SLC4A10: variants seen among roughly 807,000 people sequenced by gnomAD.
The protein encoded by SLC4A10 is solute carrier family 4 member 10, also known as sodium-driven chloride bicarbonate exchanger.
In SLC4A10, 42 loss-of-function variants were observed where a neutral mutation model predicts 137.7. The ratio of observed to expected loss-of-function variants is 0.30; its 90% confidence interval spans 0.24 to 0.39. The LOEUF is 0.39. SLC4A10 is among the 10% of genes least tolerant of loss of function. The pLI is 1.00. For missense variants in SLC4A10, 925 were observed against 1,355.0 expected, an observed-to-expected ratio of 0.68 and a Z score of 4.98; for synonymous variants, 474 against 464.1, an observed-to-expected ratio of 1.02 and a Z score of -0.27.
At chr2:161,790,711 C>T (rs1417048224) in intron 2 of SLC4A10, among the ~76,000 whole-genome samples, 1 of 152,130 alleles carries the variant, frequency 6.6e-6, no homozygotes, top group African/African-American at 2.4e-5. Context: ...TTATAATAAA[C>T]TGTTCTGTTT....
At chr2:161,881,642 CAGA>C (rs1280644904) in intron 9 of SLC4A10, among the ~76,000 whole-genome samples, 1 of 151,944 alleles carries the variant, frequency 6.6e-6, no homozygotes, top group Non-Finnish European at 1.5e-5. Flanking sequence ...CAAAATTTCC[CAGA>C]AGGATTGACC....
chr2:161,902,777 C>T (rs996076704), intron 12 of SLC4A10, among the ~76,000 whole-genome samples: 8 of 152,136 alleles, frequency 5.3e-5, no homozygotes, highest in Non-Finnish European at 1.2e-4. Flanking sequence ...ATAATATGTA[C>T]ATCTTTTATT....
chr2:161,703,980 A>G (rs1250216700), intron 1 of SLC4A10, among the ~76,000 whole-genome samples: 2 of 151,798 alleles, frequency 1.3e-5, no homozygotes, highest in Middle Eastern at 3.4e-3. Context: ...TGTACATTAT[A>G]CATACGTGGT....
At chr2:161,728,814 T>A (rs2046514356) in intron 1 of SLC4A10, among the ~76,000 whole-genome samples, 1 of 152,086 alleles carries the variant, frequency 6.6e-6, no homozygotes, top group Admixed American at 6.6e-5. Flanking sequence ...CAACAAAACA[T>A]TAGCAAATTA....
intron 1 of SLC4A10, among the ~76,000 whole-genome samples, chr2:161,752,820 C>T (rs1042012886): frequency 2.6e-5 from 4 of 151,910 alleles, no homozygotes; most frequent in Non-Finnish European, 5.9e-5. Flanking sequence ...GAAGAATATC[C>T]TGGTGGACAG....
chr2:161,725,331 T>C (rs1011650275), intron 1 of SLC4A10, among the ~76,000 whole-genome samples: 1 of 152,204 alleles, frequency 6.6e-6, no homozygotes, highest in Non-Finnish European at 1.5e-5. Context: ...CCTCTTTAAG[T>C]CTCAGAATAC....
At chr2:161,820,238 T>G (rs994413565) in intron 3 of SLC4A10, among the ~76,000 whole-genome samples, 1 of 152,224 alleles carries the variant, frequency 6.6e-6, no homozygotes, top group Non-Finnish European at 1.5e-5. Flanking sequence ...AATTTTTTGA[T>G]GGACAGTGGC....
At chr2:161,787,246 C>T (rs2053727945) in intron 2 of SLC4A10, among the ~76,000 whole-genome samples, 1 of 151,922 alleles carries the variant, frequency 6.6e-6, no homozygotes, top group Non-Finnish European at 1.5e-5. Flanking sequence ...AAAAATAGGC[C>T]CCCTATCTTT....
chr2:161,726,492 C>T (rs1225184032), intron 1 of SLC4A10, among the ~76,000 whole-genome samples: 3 of 152,086 alleles, frequency 2.0e-5, no homozygotes, highest in Non-Finnish European at 4.4e-5. Flanking sequence ...AGCAGAAAGG[C>T]AGAATGAAAA....
At chr2:161,669,114 A>T (rs1394901504) in intron 1 of SLC4A10, among the ~76,000 whole-genome samples, 1 of 151,938 alleles carries the variant, frequency 6.6e-6, no homozygotes. Context: ...CTAGACACAA[A>T]CTGTATGACT....
intron 3 of SLC4A10, among the ~76,000 whole-genome samples, chr2:161,830,271 G>T (rs898255955): frequency 4.0e-5 from 6 of 151,652 alleles, no homozygotes; most frequent in Admixed American, 2.6e-4. Flanking sequence ...TTTACTTTAA[G>T]AATCTATTTT....
At chr2:161,942,671 C>T (rs1559589585) in intron 15 of SLC4A10, 121 bp from the exon 16 acceptor site, 6 of 726,668 alleles carry the variant, frequency 8.3e-6, no homozygotes, top group Non-Finnish European at 1.4e-5. Flanking sequence ...GATAACCTAA[C>T]TACTTGTCTG....
In SLC4A10 at chr2:161,862,949, T is replaced by C; in HGVS notation, c.653T>C (p.Met218Thr). 1 of 1,613,786 alleles carries C rather than the reference T, an allele frequency of 6.2e-7. No homozygotes were observed. Among genetic ancestry groups the C allele is most frequent in the Non-Finnish European group, 8.5e-7 (1 of 1,179,802 alleles). Residue 218 changes from methionine (M) to threonine (T), a missense_variant, in exon 6 of 27, where the codon ATG (methionine) becomes ACG (threonine). Physicochemically the swap from Met to Thr is moderately conservative, Grantham distance 81. This residue lies in a region of SLC4A10 where 277 missense variants were observed against 306.1 expected (regional missense o/e 0.90). Transcript: ENST00000446997. Reference sequence around the variant, plus strand: ...CGCCATAGGGTCCATGAGGCATTGATGAAACAGCATCATCATCAGAATCAG... The same window carrying C: ...CGCCATAGGGTCCATGAGGCATTGACGAAACAGCATCATCATCAGAATCAG... ...DVRHRVHEAL[M>T]KQHHHQNQKK...
intron 12 of SLC4A10, 77 bp from the exon 13 acceptor site, chr2:161,903,927 A>G: frequency 1.4e-6 from 2 of 1,421,634 alleles, no homozygotes; most frequent in Non-Finnish European, 1.9e-6. Flanking sequence ...GTGACCTGGC[A>G]ACAAAGCAAA....
At chr2:161,756,506 G>A (rs116696616) in intron 1 of SLC4A10, among the ~76,000 whole-genome samples, 78 of 152,202 alleles carry the variant, frequency 5.1e-4, no homozygotes, top group African/African-American at 1.6e-3. Context: ...TACATTTTTA[G>A]GATGAGTCAG....
At chr2:161,894,901 T>C (rs573419126) in intron 11 of SLC4A10, 76 bp downstream of exon 11, 2 of 787,612 alleles carry the variant, frequency 2.5e-6, no homozygotes, top group Admixed American at 4.9e-5. Context: ...TTTATTTTAT[T>C]TATTTATTTA....
intron 3 of SLC4A10, among the ~76,000 whole-genome samples, chr2:161,836,545 A>C (rs1330725035): frequency 2.2e-5 from 1 of 45,302 alleles, no homozygotes; most frequent in Non-Finnish European, 4.5e-5. Flanking sequence ...AGAAAGAAAG[A>C]AAGAAAGAAA....
At chr2:161,924,669 C>T (rs954375280) in intron 15 of SLC4A10, among the ~76,000 whole-genome samples, 3 of 152,138 alleles carry the variant, frequency 2.0e-5, no homozygotes, top group East Asian at 1.9e-4. Context: ...AGGTAACTAA[C>T]GTCCACTTGT....
At chr2:161,886,558 A>G (rs2062308625) in intron 10 of SLC4A10, among the ~76,000 whole-genome samples, 1 of 152,292 alleles carries the variant, frequency 6.6e-6, no homozygotes, top group Non-Finnish European at 1.5e-5. Flanking sequence ...ACTTACTAAG[A>G]ATGTTATTAC....
Sources: allele counts gnomAD v4.1 joint callset (sites outside exome capture counted in the v4.1 genomes callset), GRCh38; gene constraint gnomAD v4.1.1; regional missense constraint gnomAD v4.1.1; transcripts MANE v1.5; gene names NCBI Gene and HGNC (gene_info 2026-07-23, HGNC 2026-07-21).